The following FKTN variants were observed in gnomAD, a reference collection of about 807,000 sequenced individuals.
FKTN encodes the protein ribitol-5-phosphate transferase FKTN.
Under a neutral mutation model 58.6 loss-of-function variants are expected in FKTN, and 47 were observed. The ratio of observed to expected loss-of-function variants is 0.80; its 90% CI spans 0.63 to 1.02. FKTN has a LOEUF of 1.02. Ranked by LOEUF, FKTN falls within the 50% of genes least tolerant of loss-of-function variation. FKTN has a pLI of 0.00. For synonymous variants in FKTN, 178 were observed against 191.9 expected (o/e 0.93, Z 0.60); for missense variants, 516 against 537.3 (o/e 0.96, Z 0.39).
chr9:105,592,329 A>G (rs1845045522), intron 3 of FKTN, among the ~76,000 whole-genome samples: 1 of 151,790 alleles, frequency 6.6e-6, no homozygotes, highest in African/African-American at 2.4e-5. Context: ...CAGATCTTGA[A>G]CTCTTTGCTG....
At chr9:105,575,654 A>T (rs1397040124) in intron 3 of FKTN, among the ~76,000 whole-genome samples, 1 of 152,042 alleles carries the variant, frequency 6.6e-6, no homozygotes, top group Non-Finnish European at 1.5e-5. Context: ...GTTGCCAAAC[A>T]CTCCCTCTGG....
rs1187674499 is a variant in FKTN, at chr9:105,604,404, G to A, written c.559G>A (p.Gly187Ser). The A allele has an allele frequency of 1.3e-5, 21 of 1,613,696 alleles. No individual in the cohort carries two copies. The highest frequency in any genetic ancestry group is 2.2e-5 in the East Asian group (1 of 44,882). The change falls in exon 6 of 11, where the codon GGC (glycine) becomes AGC (serine). Residue 187 changes from glycine (G) to serine (S), a missense_variant. Physicochemically the swap from Gly to Ser is moderately conservative, Grantham distance 56. Transcript: ENST00000357998. ...HERSGNYLWH[G>S]HLRLKEHIDR... ...GAGGAGTGGCAACTACCTCTGGCAC[G>A]GCCACTTGAGACTTAAAGAACACAT...
Position 105,636,476 on chromosome 9 carries a change from C to T in FKTN, c.*1212C>T. The T allele has an allele frequency of 5.0e-6, 5 of 997,860 alleles. No homozygotes were observed. Among genetic ancestry groups the T allele is most frequent in the Non-Finnish European group, 6.0e-6 (5 of 836,154 alleles). The allele number at this position is 997,860 out of a possible 1,614,324, so 61.8% of individuals were successfully genotyped here. ...TTCAGTCTGTTGAATGTCGATGGGG[C>T]AAGAACTCAGACTTCTACTTTACCA... is the stretch of plus-strand genomic sequence containing the variant. On this transcript the variant is annotated 3_prime_UTR_variant, in exon 11 of 11. Coordinates refer to ENST00000357998, the MANE Select transcript of FKTN (RefSeq NM_001079802.2).
At position 105,636,472 on chromosome 9, in the gene FKTN, G is replaced by A; in HGVS notation, c.*1208G>A. ...GTTTTTCAGTCTGTTGAATGTCGAT[G>A]GGGCAAGAACTCAGACTTCTACTTT... On this transcript the variant is annotated 3_prime_UTR_variant, in exon 11 of 11. Coordinates refer to ENST00000357998, the MANE Select transcript of FKTN (RefSeq NM_001079802.2). 4.0e-6 allele frequency: 4 copies of A among 993,638 alleles called. No homozygotes were observed. Among genetic ancestry groups the A allele is most frequent in the Non-Finnish European group, 4.8e-6 (4 of 834,138 alleles). 61.6% of individuals were successfully genotyped at this position (993,638 alleles called of 1,614,324 possible).
chr9:105,608,047 T>G, intron 7 of FKTN, 96 bp downstream of exon 7: 1 of 1,022,508 alleles, frequency 9.8e-7, no homozygotes, highest in Non-Finnish European at 1.5e-6. Flanking sequence ...TTATGGAAAA[T>G]AGAAAAGTAA....
intron 3 of FKTN, among the ~76,000 whole-genome samples, chr9:105,584,228 A>G (rs1843515465): frequency 1.3e-5 from 2 of 152,310 alleles, no homozygotes; most frequent in South Asian, 2.1e-4. Flanking sequence ...GTTATACAGA[A>G]AGAAACCAGT....
At position 105,636,755 on chromosome 9, in the gene FKTN, G is replaced by C; in HGVS notation, c.*1491G>C. ...TGGCAGATTTTCCTCTGACACCAGA[G>C]AACAATAGTAGTCTCAAGAATGGAA... On this transcript the variant is annotated 3_prime_UTR_variant, in exon 11 of 11. Coordinates refer to ENST00000357998, the MANE Select transcript of FKTN (RefSeq NM_001079802.2). The C allele has an allele frequency of 7.7e-7, 1 of 1,292,074 alleles. No homozygotes were observed. Among genetic ancestry groups the C allele is most frequent in the African/African-American group, 1.5e-5 (1 of 65,838 alleles). The allele number at this position is 1,292,074 out of a possible 1,614,324, so 80.0% of individuals were successfully genotyped here. A position where few individuals can be genotyped will look rare whatever the true frequency, so the allele number is the denominator to read the frequency against.
chr9:105,619,224 G>A lies in FKTN; in HGVS notation c.1045-710G>A, dbSNP rs1245181767. Among the ~76,000 whole-genome samples, 3 of 152,058 alleles carry A rather than the reference G, an allele frequency of 2.0e-5. No homozygotes were observed. The East Asian group carries it at 5.8e-4, about 29-fold the overall frequency. ...TTTACCAAACATTCACTATAAGTAT[G>A]GCACTGTCCTCTGCACCTGGGAGAC... On this transcript the variant is annotated intron_variant, in intron 9 of 10. Transcript: ENST00000357998.
intron 1 of FKTN, among the ~76,000 whole-genome samples, chr9:105,568,223 T>TA (rs199940863): frequency 6.6e-6 from 1 of 152,128 alleles, no homozygotes; most frequent in East Asian, 1.9e-4. Context: ...ATTCAGGACA[T>TA]AGGCATGGGC....
In FKTN at chr9:105,640,253, A is replaced by G; in HGVS notation, c.*4989A>G. The G allele has an allele frequency of 7.8e-7, 1 of 1,285,598 alleles. No individual in the cohort carries two copies. The highest frequency in any genetic ancestry group is 1.0e-6 in the Non-Finnish European group (1 of 971,800). The allele number at this position is 1,285,598 out of a possible 1,614,324, so 79.6% of individuals were successfully genotyped here. A position where few individuals can be genotyped will look rare whatever the true frequency, so the allele number is the denominator to read the frequency against. On this transcript the variant is annotated 3_prime_UTR_variant, in exon 11 of 11. Coordinates refer to ENST00000357998, the MANE Select transcript of FKTN (RefSeq NM_001079802.2). ...AGGAGGCAAGTATAAATTTTCTAAT[A>G]AGAAATCCCTGCTTCTTTTGGGTGC...
chr9:105,566,296 G>A (rs898409795), intron 1 of FKTN, among the ~76,000 whole-genome samples: 1 of 152,092 alleles, frequency 6.6e-6, no homozygotes, highest in African/African-American at 2.4e-5. Context: ...AAATAACTAA[G>A]ATCAGAGCGG....
At chr9:105,562,019 C>A (rs1838386756) in intron 1 of FKTN, among the ~76,000 whole-genome samples, 1 of 150,972 alleles carries the variant, frequency 6.6e-6, no homozygotes, top group African/African-American at 2.4e-5. Flanking sequence ...TCTAACTATA[C>A]CTTTTCCTAA....
Position 105,596,565 on chromosome 9 carries a change from A to G in FKTN, c.106-33A>G, listed in dbSNP as rs377091342. On this transcript the variant is annotated intron_variant, in intron 3 of 10. Transcript: ENST00000357998. Reference sequence around the variant, plus strand: ...TGTAATGTTGCATGCTGGACTTTGAATTTACTAAAAAGTTCTTTTGTTGTC... The same window carrying G: ...TGTAATGTTGCATGCTGGACTTTGAGTTTACTAAAAAGTTCTTTTGTTGTC... 1.9e-5 allele frequency: 29 copies of G among 1,511,770 alleles called. No individual in the cohort carries two copies. In the African/African-American group the frequency reaches 2.9e-4, roughly 15 times the overall value. 93.6% of individuals were successfully genotyped at this position (1,511,770 alleles called of 1,614,324 possible). A position where few individuals can be genotyped will look rare whatever the true frequency, so the allele number is the denominator to read the frequency against.
In FKTN at chr9:105,638,544, G is replaced by C. The variant is rs1045766517; in HGVS notation, c.*3280G>C. The stretch of plus-strand genomic sequence containing the variant: ...AACCATCAGCACCAACCTGCTAAAT[G>C]CCTGTATTTGAAGTCTCTCCCCTTC... On this transcript the variant is annotated 3_prime_UTR_variant, in exon 11 of 11. Transcript: ENST00000357998. The C allele has an allele frequency of 1.0e-6, 1 of 985,216 alleles. No individual in the cohort carries two copies. The highest frequency in any genetic ancestry group is 1.2e-6 in the Non-Finnish European group (1 of 829,928). 61.0% of individuals were successfully genotyped at this position (985,216 alleles called of 1,614,324 possible).
chr9:105,635,917 G>T lies in FKTN; in HGVS notation c.*653G>T. 1 of 988,272 alleles carries T rather than the reference G, an allele frequency of 1.0e-6. No homozygotes were observed. Among genetic ancestry groups the T allele is most frequent in the Non-Finnish European group, 1.2e-6 (1 of 831,602 alleles). 61.2% of individuals were successfully genotyped at this position (988,272 alleles called of 1,614,324 possible). ...TCAGGATAAGTAAATTTCTGTACATGTACTGTTTTCATATGTGAAGTGAGA... is the reference window on the plus strand; with the variant it reads ...TCAGGATAAGTAAATTTCTGTACATTTACTGTTTTCATATGTGAAGTGAGA... On this transcript the variant is annotated 3_prime_UTR_variant, in exon 11 of 11. Coordinates refer to ENST00000357998, the MANE Select transcript of FKTN (RefSeq NM_001079802.2).
chr9:105,558,364 A>T (rs1488044653), intron 1 of FKTN, among the ~76,000 whole-genome samples, 199 bp downstream of exon 1: 1 of 152,138 alleles, frequency 6.6e-6, no homozygotes, highest in Non-Finnish European at 1.5e-5. Flanking sequence ...ATCGCGTGGT[A>T]GACTTCCACT....
chr9:105,627,842 G>A (rs1372731056), intron 10 of FKTN, among the ~76,000 whole-genome samples: 1 of 152,160 alleles, frequency 6.6e-6, no homozygotes, highest in Admixed American at 6.5e-5. Flanking sequence ...CCTGGTACAT[G>A]TTTGGCTAAG....
At chr9:105,570,965 T>A (rs1048680991) in intron 1 of FKTN, among the ~76,000 whole-genome samples, 2 of 152,120 alleles carry the variant, frequency 1.3e-5, no homozygotes, top group African/African-American at 4.8e-5. Context: ...GCAAAAACCA[T>A]AGACTATGTG....
At chr9:105,618,946 C>T (rs553043446) in intron 9 of FKTN, among the ~76,000 whole-genome samples, 1 of 152,068 alleles carries the variant, frequency 6.6e-6, no homozygotes, top group Non-Finnish European at 1.5e-5. Flanking sequence ...GTAGTCCCAG[C>T]TACTGGGGAG....
Sources: allele counts gnomAD v4.1 joint callset (sites outside exome capture counted in the v4.1 genomes callset), GRCh38; gene constraint gnomAD v4.1.1; transcripts MANE v1.5; gene names NCBI Gene and HGNC (gene_info 2026-07-23, HGNC 2026-07-21).